Variants in DVL2 observed in about 807,000 individuals in gnomAD.
The protein encoded by DVL2 is segment polarity protein dishevelled homolog DVL-2.
DVL2 carries 38 observed loss-of-function variants against 69.8 expected under a neutral mutation model. That is an observed-to-expected ratio of 0.54 (90% CI 0.42 to 0.71). The LOEUF (loss-of-function observed/expected upper bound fraction) is 0.71, where lower values mean the gene tolerates loss of function less well. Among genes scored for constraint, DVL2 ranks in the 30% least tolerant of loss-of-function variants. The pLI is 0.00. For synonymous variants in DVL2, 428 were observed against 392.4 expected, an observed-to-expected ratio of 1.09 and a Z score of -1.07; for missense variants, 931 against 1,008.1, an observed-to-expected ratio of 0.92 and a Z score of 1.04.
rs781017481 is a variant in DVL2, at chr17:7,229,485, C to T, written c.748-38G>A. On this transcript the variant is annotated intron_variant, in intron 6 of 14. Coordinates refer to ENST00000005340, the MANE Select transcript of DVL2 (RefSeq NM_004422.3). This position sits in a 1 kb window ranked among gnomAD's most constrained non-coding sequence, Gnocchi z 4.4. ...AAGGAGCCAGAGTGCCCTTCAATAA[C>T]CCAGGGTCAACCCTGGGGTGCTGCC... The T allele has an allele frequency of 2.5e-6, 4 of 1,613,736 alleles. No individual in the cohort carries two copies. The highest frequency in any genetic ancestry group is 1.6e-4 in the Middle Eastern group (1 of 6,084).
In DVL2 at chr17:7,227,846, C is replaced by T; in HGVS notation, c.1103-63G>A. 3.9e-6 allele frequency: 6 copies of T among 1,556,554 alleles called. No individual in the cohort carries two copies. In the South Asian group the frequency reaches 7.1e-5, roughly 18 times the overall value. ...TCCCCAAAAGCCAGCCCAGTCCCTCCCTGACTCAGCCTCCTGTTCCACCTC... is the reference window on the plus strand; with the variant it reads ...TCCCCAAAAGCCAGCCCAGTCCCTCTCTGACTCAGCCTCCTGTTCCACCTC... On this transcript the variant is annotated intron_variant, in intron 10 of 14. Transcript: ENST00000005340.
chr17:7,234,276 CGCTCCCGG>C lies in DVL2; in HGVS notation c.-22_-15del. 6.2e-7 allele frequency: 1 copy of C among 1,604,822 alleles called. No individual in the cohort carries two copies. Among genetic ancestry groups the C allele is most frequent in the Non-Finnish European group, 8.5e-7 (1 of 1,175,664 alleles). On this transcript the variant is annotated 5_prime_UTR_variant, in exon 1 of 15. Transcript: ENST00000005340. ...GCTACCCGCCATGGTCTCGCCCGCG[CGCTCCCGG>C]GCTCCACCGCCCACCCAAAGGGCTA...
In DVL2 at chr17:7,228,874, G is replaced by A. The variant is rs1384876865; in HGVS notation, c.1034+95C>T. 5 of 1,312,666 alleles carry A rather than the reference G, an allele frequency of 3.8e-6. No homozygotes were observed. The African/African-American group carries it at 4.4e-5, about 11-fold the overall frequency. The allele number at this position is 1,312,666 out of a possible 1,614,324, so 81.3% of individuals were successfully genotyped here. A position where few individuals can be genotyped will look rare whatever the true frequency, so the allele number is the denominator to read the frequency against. Reference sequence around the variant, plus strand: ...TGGGTTTACAGGCTCGAGCCACCACGCCCGGCTGTCTTAGTACTTATTAAA... The same window carrying A: ...TGGGTTTACAGGCTCGAGCCACCACACCCGGCTGTCTTAGTACTTATTAAA... On this transcript the variant is annotated intron_variant, in intron 9 of 14. Transcript: ENST00000005340.
rs958620901 is a variant in DVL2, at chr17:7,227,441, G to A, written c.1326C>T (p.Arg442=). Residue 442 remains arginine, a synonymous_variant, in exon 12 of 15, where the codon CGC becomes CGT. Coordinates refer to ENST00000005340, the MANE Select transcript of DVL2 (RefSeq NM_004422.3). ...APESGLEVRD[R]MWLKITIPNA... is the part of the protein sequence containing the mutation. The stretch of plus-strand genomic sequence containing the variant: ...TAGGGATGGTGATCTTGAGCCACAT[G>A]CGGTCCCGGACTTCCAGTCCAGACT... 1.9e-6 allele frequency: 3 copies of A among 1,614,222 alleles called. No homozygotes were observed. The highest frequency in any genetic ancestry group is 2.5e-6 in the Non-Finnish European group (3 of 1,180,038).
chr17:7,229,049 G>A lies in DVL2; in HGVS notation c.958-4C>T. The A allele has an allele frequency of 1.2e-6, 2 of 1,614,158 alleles. No homozygotes were observed. The highest frequency in any genetic ancestry group is 1.7e-6 in the Non-Finnish European group (2 of 1,180,034). On this transcript the variant is annotated splice_polypyrimidine_tract_variant and splice_region_variant and intron_variant, in intron 8 of 14. Coordinates refer to ENST00000005340, the MANE Select transcript of DVL2 (RefSeq NM_004422.3). The surrounding 1 kb of genome is among the most constrained non-coding windows in gnomAD (Gnocchi z 4.4). ...TCTCAAAGTTCATGTCATTCACCTGGAAGCGACGGCAAGTGGGTCAGAGAC... is the reference window on the plus strand; with the variant it reads ...TCTCAAAGTTCATGTCATTCACCTGAAAGCGACGGCAAGTGGGTCAGAGAC...
In DVL2 at chr17:7,227,709, A is replaced by C; in HGVS notation, c.1177T>G (p.Tyr393Asp). Residue 393 changes from tyrosine to aspartate, a missense_variant, in exon 11 of 15, where the codon TAT (tyrosine) becomes GAT (aspartate). Physicochemically the swap from Tyr to Asp is radical, Grantham distance 160. Transcript: ENST00000005340. ...GTGCTCATGGAGGAGGAACCTGGAT[A>C]GGCTGGGAAGGTGCCAGTCAGAGCC... ...SAALTGTFPA[Y>D]PGSSSMSTIT... The C allele has an allele frequency of 6.2e-7, 1 of 1,612,362 alleles. No homozygotes were observed. The highest frequency in any genetic ancestry group is 8.5e-7 in the Non-Finnish European group (1 of 1,179,186).
In DVL2 at chr17:7,227,201, A is replaced by ACTTG; in HGVS notation, c.1428_1431dup (p.Tyr478GlnfsTer23). 1 of 1,613,498 alleles carries ACTTG rather than the reference A, an allele frequency of 6.2e-7. No individual in the cohort carries two copies. The highest frequency in any genetic ancestry group is 8.5e-7 in the Non-Finnish European group (1 of 1,179,752). On this transcript the variant is annotated frameshift_variant, in exon 13 of 15. Transcript: ENST00000005340. LOFTEE classifies it high-confidence loss of function. Reference sequence around the variant, plus strand: ...CCTGCTTTGAGCAGCCCGCTGGCATACTTGCGGGCCTCCCGCCGCTCAGGA... The same window carrying ACTTG: ...CCTGCTTTGAGCAGCCCGCTGGCATACTTGCTTGCGGGCCTCCCGCCGCTCAGGA...
intron 9 of DVL2, 69 bp from the exon 10 acceptor site, chr17:7,228,113 G>T: frequency 7.7e-7 from 1 of 1,304,950 alleles, no homozygotes; most frequent in Non-Finnish European, 1.1e-6. Flanking sequence ...GGGGTCTGAA[G>T]CAAGGATGGA....
intron 3 of DVL2, 33 bp from the exon 4 acceptor site, chr17:7,230,188 C>G: frequency 6.2e-7 from 1 of 1,611,520 alleles, no homozygotes; most frequent in Non-Finnish European, 8.5e-7. Context: ...CAACCCACAT[C>G]AGGAGAACAG....
In DVL2 at chr17:7,234,147, G is replaced by T; in HGVS notation, c.116C>A (p.Thr39Asn). 6.2e-7 allele frequency: 1 copy of T among 1,614,164 alleles called. No individual in the cohort carries two copies. Among genetic ancestry groups the T allele is most frequent in the Non-Finnish European group, 8.5e-7 (1 of 1,180,022 alleles). Reference sequence around the variant, plus strand: ...CAGGACGCTCTTGAAATCGCCGAGGGTGATGCGCTCGGCGGGGACAGGGAT... The same window carrying T: ...CAGGACGCTCTTGAAATCGCCGAGGTTGATGCGCTCGGCGGGGACAGGGAT... The part of the protein sequence containing the change: ...VKIPVPAERI[T>N]LGDFKSVLQR... Residue 39 changes from threonine to asparagine, a missense_variant, in exon 1 of 15, where the codon ACC becomes AAC. Transcript: ENST00000005340.
At position 7,234,111 on chromosome 17, in the gene DVL2, G is replaced by A. The variant is rs1425940777; in HGVS notation, c.152C>T (p.Ala51Val). 24 of 1,614,040 alleles carry A rather than the reference G, an allele frequency of 1.5e-5. No individual in the cohort carries two copies. The highest frequency in any genetic ancestry group is 1.9e-5 in the Non-Finnish European group (23 of 1,180,046). ...GDFKSVLQRP[A>V]GAKYFFKSMD... The stretch of plus-strand genomic sequence containing the variant: ...AGACTTGAAAAAGTACTTGGCGCCC[G>A]CGGGCCGCTGCAGGACGCTCTTGAA... The change falls in exon 1 of 15, where the codon GCG (alanine) becomes GTG (valine). Residue 51 changes from alanine (A) to valine (V), a missense_variant. Ala to Val is a moderately conservative substitution (Grantham distance 64, BLOSUM62 0). Around this residue, in one of 3 missense-constraint regions of DVL2, gnomAD observed 555 missense variants for 588.8 expected, o/e 0.94. Transcript: ENST00000005340.
In DVL2 at chr17:7,225,802, A is replaced by G. The variant is rs2142991649; in HGVS notation, c.*63T>C. On this transcript the variant is annotated 3_prime_UTR_variant, in exon 15 of 15. Coordinates refer to ENST00000005340, the MANE Select transcript of DVL2 (RefSeq NM_004422.3). ...GCCCAGGCACTGTAAGAGCAAGCAC[A>G]TGACGGCCAGGACACCCAGTCACAC... 7.0e-7 allele frequency: 1 copy of G among 1,435,632 alleles called. No individual in the cohort carries two copies. The highest frequency in any genetic ancestry group is 9.8e-7 in the Non-Finnish European group (1 of 1,022,928). The allele number at this position is 1,435,632 out of a possible 1,614,324, so 88.9% of individuals were successfully genotyped here. A position where few individuals can be genotyped will look rare whatever the true frequency, so the allele number is the denominator to read the frequency against.
chr17:7,227,603 T>C, intron 11 of DVL2, 52 bp downstream of exon 11: 1 of 1,614,066 alleles, frequency 6.2e-7, no homozygotes, highest in Non-Finnish European at 8.5e-7. Context: ...ATCAGACCAC[T>C]GCGGGACAGC....
chr17:7,230,988 T>C (rs1233791833), intron 1 of DVL2, among the ~76,000 whole-genome samples, 191 bp from the exon 2 acceptor site: 1 of 152,148 alleles, frequency 6.6e-6, no homozygotes, highest in Non-Finnish European at 1.5e-5. Context: ...CCTTTCCTTA[T>C]TTCTCCTCTC....
At chr17:7,231,821 C>T (rs1308169257) in intron 1 of DVL2, among the ~76,000 whole-genome samples, 2 of 151,038 alleles carry the variant, frequency 1.3e-5, no homozygotes, top group African/African-American at 2.4e-5. Context: ...TGAGATTGCG[C>T]CGCTGCACTC....
rs1317779118 is a variant in DVL2, at chr17:7,234,460, G to A, written c.-198C>T. On this transcript the variant is annotated 5_prime_UTR_variant, in exon 1 of 15. Transcript: ENST00000005340. ...CCGCGGGGTGCGACTCAAAGCCCCG[G>A]TCTCAGCGGCCGCCGCGCGCCACCG... 2 of 617,796 alleles carry A rather than the reference G, an allele frequency of 3.2e-6. No individual in the cohort carries two copies. The highest frequency in any genetic ancestry group is 2.0e-5 in the African/African-American group (1 of 50,590). The allele number at this position is 617,796 out of a possible 1,614,324, so 38.3% of individuals were successfully genotyped here. A position where few individuals can be genotyped will look rare whatever the true frequency, so the allele number is the denominator to read the frequency against.
Position 7,227,114 on chromosome 17 carries a change from C to G in DVL2, c.1519G>C (p.Asp507His). 6.2e-7 allele frequency: 1 copy of G among 1,612,966 alleles called. No individual in the cohort carries two copies. Among genetic ancestry groups the G allele is most frequent in the South Asian group, 1.1e-5 (1 of 90,946 alleles). ...CAGCTCTCACAGCCACCACTGAGGT[C>G]TCCGAAGACGTAATAGCACTGCTCA... ...FSEQCYYVFG[D>H]LSGGCESYLV... is the part of the protein sequence containing the mutation. The change falls in exon 13 of 15, where the codon GAC (aspartate) becomes CAC (histidine). Residue 507 changes from aspartate to histidine, a missense_variant. Physicochemically the swap from Asp to His is moderately conservative, Grantham distance 81. This residue lies in a region of DVL2 where 314 missense variants were observed against 313.7 expected (regional missense o/e 1.00). Coordinates refer to ENST00000005340, the MANE Select transcript of DVL2 (RefSeq NM_004422.3).
In DVL2 at chr17:7,229,991, C is replaced by A. The variant is rs1266161195; in HGVS notation, c.521-48G>T. ...AGAACCAAGCTTCCCCCTGCTCACC[C>A]CACCAAGGCTGGGGTCTGGCCCAGC... On this transcript the variant is annotated intron_variant, in intron 4 of 14. Coordinates refer to ENST00000005340, the MANE Select transcript of DVL2 (RefSeq NM_004422.3). The surrounding 1 kb of genome is among the most constrained non-coding windows in gnomAD (Gnocchi z 4.4). The A allele has an allele frequency of 6.2e-7, 1 of 1,610,568 alleles. No homozygotes were observed. The highest frequency in any genetic ancestry group is 8.5e-7 in the Non-Finnish European group (1 of 1,179,778).
chr17:7,226,950 G>T (rs1017466226), intron 13 of DVL2, 140 bp downstream of exon 13: 1 of 860,646 alleles, frequency 1.2e-6, no homozygotes, highest in Non-Finnish European at 1.8e-6. Context: ...TCCTCGGCCA[G>T]TGCAGGACCT....
Sources: allele counts gnomAD v4.1 joint callset (sites outside exome capture counted in the v4.1 genomes callset), GRCh38; gene constraint gnomAD v4.1.1; regional missense constraint gnomAD v4.1.1; non-coding constraint Gnocchi (gnomAD v3.1); transcripts MANE v1.5; gene names NCBI Gene and HGNC (gene_info 2026-07-23, HGNC 2026-07-21).